The following GRIN2B variants were observed in gnomAD, a reference collection of about 807,000 sequenced individuals.
GRIN2B encodes glutamate ionotropic receptor NMDA type subunit 2B.
GRIN2B carries 5 observed loss-of-function variants against 114.5 expected under a neutral mutation model. That is an observed-to-expected ratio of 0.04 (90% CI 0.02 to 0.09). The LOEUF (loss-of-function observed/expected upper bound fraction) is 0.09, where lower values mean the gene tolerates loss of function less well. GRIN2B is among the 10% of genes least tolerant of loss of function. The pLI is 1.00. For missense variants in GRIN2B, 1,108 were observed against 1,943.5 expected, an observed-to-expected ratio of 0.57 and a Z score of 8.08; for synonymous variants, 787 against 745.1, an observed-to-expected ratio of 1.06 and a Z score of -0.92.
intron 2 of GRIN2B, among the ~76,000 whole-genome samples, chr12:13,885,900 A>C (rs1011707910): frequency 6.6e-6 from 1 of 152,222 alleles, no homozygotes; most frequent in Non-Finnish European, 1.5e-5. Flanking sequence ...GAAACACCTG[A>C]GCACTTGGCA....
chr12:13,768,030 C>T (rs1002322009), intron 3 of GRIN2B, among the ~76,000 whole-genome samples: 64 of 152,202 alleles, frequency 4.2e-4, no homozygotes, highest in African/African-American at 1.5e-3. Context: ...CACAATAAAA[C>T]TCTTCAGCTA....
chr12:13,563,667 T>G lies in GRIN2B; in HGVS notation c.3571A>C (p.Ser1191Arg), dbSNP rs199852144. The G allele has an allele frequency of 1.1e-5, 17 of 1,613,622 alleles. No homozygotes were observed. Among genetic ancestry groups the G allele is most frequent in the Non-Finnish European group, 1.4e-5 (17 of 1,179,960 alleles). Residue 1191 changes from serine (S) to arginine (R), a missense_variant, in exon 14 of 14, where the codon AGC becomes CGC. By Grantham distance (110) the Ser-to-Arg change is moderately radical. Transcript: ENST00000609686. ...HGTGDKHGVV[S>R]GVPAPWEKNL... The stretch of plus-strand genomic sequence containing the variant: ...TTCTCCCAAGGTGCAGGTACCCCGC[T>G]GACCACGCCGTGTTTGTCGCCCGTC...
At chr12:13,939,614 G>C (rs1044064901) in intron 2 of GRIN2B, among the ~76,000 whole-genome samples, 34 of 136,644 alleles carry the variant, frequency 2.5e-4, no homozygotes, top group African/African-American at 9.1e-4. Context: ...GAGTGCAGTA[G>C]TGCAATTTTG....
At chr12:13,588,814 T>G (rs1948967357) in intron 10 of GRIN2B, among the ~76,000 whole-genome samples, 1 of 152,188 alleles carries the variant, frequency 6.6e-6, no homozygotes, top group African/African-American at 2.4e-5. Context: ...CACCGTGTGT[T>G]CTCTTCCATA....
chr12:13,732,251 T>C (rs1863097968), intron 4 of GRIN2B, among the ~76,000 whole-genome samples: 1 of 152,170 alleles, frequency 6.6e-6, no homozygotes, highest in South Asian at 2.1e-4. Flanking sequence ...ATATGGTACC[T>C]TTCTGATGAT....
At chr12:13,782,370 C>A (rs112962095) in intron 3 of GRIN2B, among the ~76,000 whole-genome samples, 117 of 152,222 alleles carry the variant, frequency 7.7e-4, no homozygotes, top group African/African-American at 2.5e-3. Flanking sequence ...CAAGACCAGG[C>A]TTCTGTGACT....
At chr12:13,665,159 GTGTGTGTT>G (rs1472284504) in intron 5 of GRIN2B, among the ~76,000 whole-genome samples, 4 of 23,654 alleles carry the variant, frequency 1.7e-4, no homozygotes, top group East Asian at 2.0e-3. Context: ...GTGTGTGTGT[GTGTGTGTT>G]TGTGTGTGTG....
intron 5 of GRIN2B, among the ~76,000 whole-genome samples, chr12:13,618,092 A>G (rs2136483551): frequency 6.6e-6 from 1 of 152,364 alleles, no homozygotes; most frequent in African/African-American, 2.4e-5. Flanking sequence ...TCATGTGTAT[A>G]GGCTTCTCTG....
intron 10 of GRIN2B, among the ~76,000 whole-genome samples, chr12:13,581,482 C>A (rs556630524): frequency 9.1e-5 from 12 of 132,576 alleles, no homozygotes; most frequent in African/African-American, 2.9e-4. Flanking sequence ...CCTTGTCGGG[C>A]CCAGTGGGAG....
chr12:13,658,372 G>A (rs1042149766), intron 5 of GRIN2B, among the ~76,000 whole-genome samples: 3 of 151,958 alleles, frequency 2.0e-5, no homozygotes, highest in Admixed American at 6.6e-5. Context: ...CTTAATGAAC[G>A]ACTGCTATAC....
chr12:13,721,674 T>A (rs916360748), intron 4 of GRIN2B, among the ~76,000 whole-genome samples: 2 of 152,076 alleles, frequency 1.3e-5, no homozygotes, highest in Non-Finnish European at 2.9e-5. Context: ...GTTTAGTAGG[T>A]AACTAGAGAG....
intron 4 of GRIN2B, among the ~76,000 whole-genome samples, chr12:13,716,797 A>G (rs1950459609): frequency 6.6e-6 from 1 of 151,920 alleles, no homozygotes; most frequent in African/African-American, 2.4e-5. Flanking sequence ...TGTCGTGTCC[A>G]CATATAGTAG....
intron 3 of GRIN2B, among the ~76,000 whole-genome samples, chr12:13,851,999 G>A (rs1039060371): frequency 9.2e-5 from 14 of 152,180 alleles, no homozygotes; most frequent in Admixed American, 1.3e-4. Context: ...TTCCTGGGAA[G>A]CCTGTTGCCC....
At chr12:13,613,259 C>A (rs931478771) in intron 8 of GRIN2B, among the ~76,000 whole-genome samples, 1 of 152,208 alleles carries the variant, frequency 6.6e-6, no homozygotes, top group East Asian at 1.9e-4. Flanking sequence ...AAAAGCACCA[C>A]CTCTGTGGTC....
intron 5 of GRIN2B, among the ~76,000 whole-genome samples, chr12:13,629,752 C>T (rs1212397870): frequency 6.6e-6 from 1 of 151,820 alleles, no homozygotes; most frequent in African/African-American, 2.4e-5. Context: ...GATTCCTAGC[C>T]TTTTAATTTC....
chr12:13,973,188 T>TC (rs969987179), intron 2 of GRIN2B, among the ~76,000 whole-genome samples: 3 of 152,038 alleles, frequency 2.0e-5, no homozygotes, highest in African/African-American at 4.8e-5. Context: ...TGTTTTTAAG[T>TC]CCCCCCTCTT....
At chr12:13,926,645 C>T (rs369307870) in intron 2 of GRIN2B, among the ~76,000 whole-genome samples, 2 of 152,158 alleles carry the variant, frequency 1.3e-5, no homozygotes, top group African/African-American at 4.8e-5. Context: ...CCTGGCTCTG[C>T]CTGCATTTTT....
chr12:13,687,865 A>T (rs983236205), intron 4 of GRIN2B, among the ~76,000 whole-genome samples: 1 of 152,230 alleles, frequency 6.6e-6, no homozygotes, highest in African/African-American at 2.4e-5. Context: ...ACATAGTTTC[A>T]GAACTTTGTC....
chr12:13,826,228 TG>T (rs1227954615), intron 3 of GRIN2B, among the ~76,000 whole-genome samples: 1 of 152,130 alleles, frequency 6.6e-6, no homozygotes, highest in East Asian at 1.9e-4. Context: ...CCCAGCACTT[TG>T]GGAGGCCGAG....
Sources: gnomAD v4.1 joint callset for allele counts (sites outside exome capture counted in the v4.1 genomes callset) on GRCh38, gnomAD v4.1.1 for gene constraint, MANE v1.5 for transcripts, NCBI Gene and HGNC (gene_info 2026-07-23, HGNC 2026-07-21) for gene names.